The following RPA2 variants were observed in gnomAD, a reference collection of about 807,000 sequenced individuals.
RPA2 encodes replication protein A2, also known as replication protein A 32 kDa subunit.
In RPA2, 22 loss-of-function variants were observed where a neutral mutation model predicts 33.4. That is an observed-to-expected ratio of 0.66 (90% CI 0.47 to 0.94). The LOEUF (loss-of-function observed/expected upper bound fraction) is 0.94, where lower values mean the gene tolerates loss of function less well. Ranked by LOEUF, RPA2 falls within the 40% of genes least tolerant of loss-of-function variation. The probability of loss-of-function intolerance (pLI) is 0.00; values close to 1 mark genes in which losing one functional copy is unlikely to be tolerated. For missense variants in RPA2, 279 were observed against 329.9 expected, an observed-to-expected ratio of 0.85 and a Z score of 1.19; for synonymous variants, 109 against 114.9, an observed-to-expected ratio of 0.95 and a Z score of 0.33.
intron 8 of RPA2, 71 bp from the exon 9 acceptor site, chr1:27,892,318 G>T: frequency 8.5e-7 from 1 of 1,180,100 alleles, no homozygotes. Flanking sequence ...TTTGGATATG[G>T]CCAAATATGC....
At chr1:27,894,732 TC>T (rs2089868563) in intron 6 of RPA2, among the ~76,000 whole-genome samples, 1 of 152,182 alleles carries the variant, frequency 6.6e-6, no homozygotes, top group South Asian at 2.1e-4. Context: ...ATTCAAGCAT[TC>T]ACTGAGTGTC....
chr1:27,914,373 G>A (rs774084696), intron 1 of RPA2, 61 bp downstream of exon 1: 2 of 1,613,686 alleles, frequency 1.2e-6, no homozygotes, highest in African/African-American at 1.3e-5. Flanking sequence ...CCCTAGGCTC[G>A]CCCTCTTGCT....
At chr1:27,903,838 C>T (rs1231842878) in intron 4 of RPA2, among the ~76,000 whole-genome samples, 1 of 135,366 alleles carries the variant, frequency 7.4e-6, no homozygotes, top group East Asian at 2.2e-4. Flanking sequence ...CCAGCCTAGG[C>T]AGCAAGCCAA....
chr1:27,908,128 C>T (rs936981798), intron 2 of RPA2, among the ~76,000 whole-genome samples: 2 of 151,744 alleles, frequency 1.3e-5, no homozygotes, highest in African/African-American at 2.4e-5. Flanking sequence ...CCACTGCCCT[C>T]GGCCAAATTT....
At chr1:27,892,289 A>G (rs1042173874) in intron 8 of RPA2, 42 bp from the exon 9 acceptor site, 6 of 1,549,088 alleles carry the variant, frequency 3.9e-6, no homozygotes, top group South Asian at 1.1e-5. Flanking sequence ...TTTCAGGCCA[A>G]TTCAGAAGGA....
At position 27,914,549 on chromosome 1, in the gene RPA2, T is replaced by C. The variant is rs1460375891; in HGVS notation, c.-106A>G. 134 of 1,610,550 alleles carry C rather than the reference T, an allele frequency of 8.3e-5. 1 individual carries two copies. In the East Asian group the frequency reaches 2.8e-3, roughly 33 times the overall value. ...CTGCGCCGCTCTGGCTACTTTTCTC[T>C]GGCACCACAAACGCCTTCCCGCGAA... On this transcript the variant is annotated 5_prime_UTR_variant, in exon 1 of 9. Transcript: ENST00000373912.
At chr1:27,903,218 G>A (rs1309803318) in intron 4 of RPA2, among the ~76,000 whole-genome samples, 2 of 152,074 alleles carry the variant, frequency 1.3e-5, no homozygotes, top group Non-Finnish European at 2.9e-5. Context: ...CGTGAGCCAC[G>A]ACGCCTGGCC....
chr1:27,911,126 G>C (rs1036420548), intron 2 of RPA2, among the ~76,000 whole-genome samples: 2 of 152,084 alleles, frequency 1.3e-5, no homozygotes, highest in Admixed American at 1.3e-4. Context: ...TGAGGCAGGA[G>C]AATCGCTTGA....
chr1:27,914,732 A>G, upstream of RPA2: 11 of 1,536,748 alleles, frequency 7.2e-6, no homozygotes, highest in Non-Finnish European at 8.0e-6. Flanking sequence ...GAAGGGCAAA[A>G]CCCTCCGCAC....
chr1:27,913,233 G>A (rs146626959), intron 2 of RPA2, among the ~76,000 whole-genome samples: 1,897 of 151,712 alleles, frequency 0.013, 41 homozygotes, highest in African/African-American at 0.042. Flanking sequence ...GATTACGGGC[G>A]TGAGCCACCG....
At position 27,892,111 on chromosome 1, in the gene RPA2, T is replaced by C; in HGVS notation, c.*52A>G. Reference sequence around the variant, plus strand: ...CATATGCAGAGCTGGAGACAACAGATTGTGAAACTAGGTCCAGCTGTAAAA... The same window carrying C: ...CATATGCAGAGCTGGAGACAACAGACTGTGAAACTAGGTCCAGCTGTAAAA... On this transcript the variant is annotated 3_prime_UTR_variant, in exon 9 of 9. Coordinates refer to ENST00000373912, the MANE Select transcript of RPA2 (RefSeq NM_002946.5). 4 of 1,469,788 alleles carry C rather than the reference T, an allele frequency of 2.7e-6. No individual in the cohort carries two copies. Among genetic ancestry groups the C allele is most frequent in the Middle Eastern group, 1.8e-4 (1 of 5,450 alleles). The allele number at this position is 1,469,788 out of a possible 1,614,324, so 91.0% of individuals were successfully genotyped here.
chr1:27,899,218 C>CA (rs28905173), intron 4 of RPA2, among the ~76,000 whole-genome samples: 1,786 of 150,532 alleles, frequency 0.012, 23 homozygotes, highest in Admixed American at 0.037. Context: ...GTTAATAATA[C>CA]AAAAAAAAGG....
chr1:27,909,251 G>A (rs943097791), intron 2 of RPA2, among the ~76,000 whole-genome samples: 6 of 152,134 alleles, frequency 3.9e-5, no homozygotes, highest in African/African-American at 1.4e-4. Flanking sequence ...TTTAGCAGTC[G>A]CAACTCTGAC....
chr1:27,914,372 C>G (rs991664086), intron 1 of RPA2, 62 bp downstream of exon 1: 7 of 1,613,920 alleles, frequency 4.3e-6, no homozygotes, highest in Non-Finnish European at 5.9e-6. Context: ...ACCCTAGGCT[C>G]GCCCTCTTGC....
chr1:27,913,786 T>G (rs1328806172), intron 2 of RPA2, among the ~76,000 whole-genome samples: 1 of 151,950 alleles, frequency 6.6e-6, no homozygotes, highest in Non-Finnish European at 1.5e-5. Context: ...AAAAACCAAG[T>G]TGAGGGCGTT....
intron 5 of RPA2, 137 bp from the exon 6 acceptor site, chr1:27,897,258 T>G: frequency 1.6e-6 from 1 of 610,656 alleles, no homozygotes. Context: ...TCAGAGGTAT[T>G]CCAAATATGG....
Position 27,914,569 on chromosome 1 carries a change from C to G in RPA2, c.-126G>C. The G allele has an allele frequency of 1.2e-6, 2 of 1,612,092 alleles. No homozygotes were observed. Among genetic ancestry groups the G allele is most frequent in the South Asian group, 1.1e-5 (1 of 90,944 alleles). ...TTCTCTGGCACCACAAACGCCTTCCCGCGAATGGCGGAGCCAGTCAGCTCC... is the reference window on the plus strand; with the variant it reads ...TTCTCTGGCACCACAAACGCCTTCCGGCGAATGGCGGAGCCAGTCAGCTCC... On this transcript the variant is annotated 5_prime_UTR_variant, in exon 1 of 9. Coordinates refer to ENST00000373912, the MANE Select transcript of RPA2 (RefSeq NM_002946.5).
At chr1:27,898,722 A>AT (rs28904885) in intron 4 of RPA2, among the ~76,000 whole-genome samples, 10 of 150,890 alleles carry the variant, frequency 6.6e-5, no homozygotes, top group African/African-American at 2.2e-4. Flanking sequence ...ATTTTTTTGT[A>AT]TTTTTTTTGT....
intron 4 of RPA2, among the ~76,000 whole-genome samples, chr1:27,899,765 C>T (rs976170791): frequency 3.9e-5 from 6 of 152,010 alleles, no homozygotes; most frequent in African/African-American, 1.4e-4. Flanking sequence ...ACTGCAAGCT[C>T]CGCCTTATGG....
Sources: gnomAD v4.1 joint callset for allele counts (sites outside exome capture counted in the v4.1 genomes callset) on GRCh38, gnomAD v4.1.1 for gene constraint, MANE v1.5 for transcripts, NCBI Gene and HGNC (gene_info 2026-07-23, HGNC 2026-07-21) for gene names.